Variants in DOP1B observed in about 807,000 individuals in gnomAD.
The protein encoded by DOP1B is protein DOP1B.
Under a neutral mutation model 233.5 loss-of-function variants are expected in DOP1B, and 174 were observed. The observed-to-expected ratio is 0.75, with a 90% CI of 0.66 to 0.85. The LOEUF (loss-of-function observed/expected upper bound fraction) is 0.85. Ranked by LOEUF, DOP1B falls within the 40% of genes least tolerant of loss-of-function variation. The pLI, the probability that DOP1B is intolerant of heterozygous loss-of-function variation, is 0.00. For synonymous variants in DOP1B, 1,190 were observed against 1,185.6 expected, an observed-to-expected ratio of 1.00 and a Z score of -0.08; for missense variants, 2,652 against 2,846.6, an observed-to-expected ratio of 0.93 and a Z score of 1.56.
intron 2 of DOP1B, among the ~76,000 whole-genome samples, chr21:36,183,650 C>T (rs1357171660): frequency 2.0e-5 from 3 of 152,252 alleles, no homozygotes; most frequent in African/African-American, 7.2e-5. Flanking sequence ...AGGCACCATT[C>T]CAACTACGGA....
intron 32 of DOP1B, among the ~76,000 whole-genome samples, chr21:36,285,058 T>C (rs112029618): frequency 0.03 from 4,631 of 152,078 alleles, 243 homozygotes; most frequent in African/African-American, 0.11. Context: ...AAGAGAAATT[T>C]TTTTGTTGTT....
chr21:36,256,687 A>C (rs1029991134), intron 23 of DOP1B, among the ~76,000 whole-genome samples: 1 of 152,182 alleles, frequency 6.6e-6, no homozygotes, highest in South Asian at 2.1e-4. Flanking sequence ...TCAGATCCTC[A>C]ACATGGATGA....
chr21:36,266,882 G>A (rs1427666517), intron 26 of DOP1B, among the ~76,000 whole-genome samples: 6 of 152,204 alleles, frequency 3.9e-5, no homozygotes, highest in Non-Finnish European at 1.5e-5. Context: ...TCCACTCAGT[G>A]CTTTCATCAG....
intron 24 of DOP1B, 43 bp downstream of exon 24, chr21:36,260,775 A>G: frequency 1.2e-6 from 2 of 1,611,856 alleles, no homozygotes; most frequent in Non-Finnish European, 1.7e-6. Context: ...TTAAATACAG[A>G]TGCTATTGCA....
Position 36,237,240 on chromosome 21 carries a change from G to T in DOP1B, c.2623-22G>T, listed in dbSNP as rs369883643. 1.4e-5 allele frequency: 22 copies of T among 1,613,928 alleles called. No individual in the cohort carries two copies. In the East Asian group the frequency reaches 3.6e-4, roughly 26 times the overall value. On this transcript the variant is annotated intron_variant, in intron 15 of 36. Transcript: ENST00000691173. ...GCCTGTGTTGACCTGGTCCCCCACC[G>T]CCTGCCTTTTCCTTGTCCCAGAGGG...
intron 2 of DOP1B, among the ~76,000 whole-genome samples, chr21:36,185,324 A>G (rs1235056788): frequency 6.6e-6 from 1 of 152,096 alleles, no homozygotes; most frequent in Non-Finnish European, 1.5e-5. Context: ...CCACATCCTT[A>G]CCTTCTTTTC....
intron 2 of DOP1B, chr21:36,169,446 G>C: frequency 1.9e-6 from 2 of 1,061,284 alleles, no homozygotes; most frequent in Non-Finnish European, 2.9e-6. Flanking sequence ...CACAGGCCTC[G>C]GTGGGTCTTG....
At chr21:36,284,467 C>T (rs59546066) in intron 32 of DOP1B, among the ~76,000 whole-genome samples, 62,636 of 151,138 alleles carry the variant, frequency 0.41, 13,057 homozygotes, top group Middle Eastern at 0.51. Flanking sequence ...GACAGGGTTT[C>T]ACCATGTTGG....
intron 21 of DOP1B, 137 bp from the exon 22 acceptor site, chr21:36,251,025 G>A: frequency 8.3e-7 from 1 of 1,208,550 alleles, no homozygotes; most frequent in Non-Finnish European, 1.1e-6. Flanking sequence ...ACCCATCAGG[G>A]AAGCACCTCA....
chr21:36,174,195 AC>A (rs1433267121), intron 2 of DOP1B, among the ~76,000 whole-genome samples: 2 of 152,060 alleles, frequency 1.3e-5, no homozygotes, highest in African/African-American at 4.8e-5. Context: ...TTACCTAAAA[AC>A]TTGGTGAGAG....
intron 12 of DOP1B, 49 bp from the exon 13 acceptor site, chr21:36,227,637 C>G (rs2066708597): frequency 7.1e-7 from 1 of 1,413,128 alleles, no homozygotes. Context: ...CATTGTTTTT[C>G]TGATTGTGAA....
chr21:36,176,500 GC>G (rs111602383), intron 2 of DOP1B, among the ~76,000 whole-genome samples: 2,025 of 152,212 alleles, frequency 0.013, 49 homozygotes, highest in African/African-American at 0.046. Context: ...TAAATTTGGG[GC>G]TATGATTTTA....
intron 27 of DOP1B, among the ~76,000 whole-genome samples, chr21:36,274,497 G>A (rs1313310729): frequency 6.6e-6 from 1 of 152,184 alleles, no homozygotes; most frequent in African/African-American, 2.4e-5. Context: ...TGATGGAAAA[G>A]AGAAGGACCC....
chr21:36,227,550 A>C, intron 12 of DOP1B, 136 bp from the exon 13 acceptor site: 1 of 846,430 alleles, frequency 1.2e-6, no homozygotes, highest in Non-Finnish European at 1.7e-6. Flanking sequence ...CTGTCAAAAA[A>C]AAAGAAAGAA....
intron 2 of DOP1B, among the ~76,000 whole-genome samples, chr21:36,177,355 G>C (rs2066043387): frequency 1.3e-5 from 2 of 152,226 alleles, no homozygotes; most frequent in African/African-American, 4.8e-5. Context: ...GCTGAAAAGA[G>C]TCTGATATGC....
At chr21:36,176,469 C>G (rs996337990) in intron 2 of DOP1B, among the ~76,000 whole-genome samples, 2 of 152,222 alleles carry the variant, frequency 1.3e-5, no homozygotes, top group Admixed American at 1.3e-4. Context: ...TGTAGGGCAT[C>G]CTCTGTTAGA....
At chr21:36,276,644 C>A (rs529541142) in intron 27 of DOP1B, among the ~76,000 whole-genome samples, 2 of 152,144 alleles carry the variant, frequency 1.3e-5, no homozygotes, top group South Asian at 4.2e-4. Context: ...AGTTCGAGAC[C>A]AGCCTGGCCA....
At chr21:36,214,877 T>TA (rs1487630353) in intron 9 of DOP1B, among the ~76,000 whole-genome samples, 1 of 151,956 alleles carries the variant, frequency 6.6e-6, no homozygotes, top group Non-Finnish European at 1.5e-5. Context: ...CCCATCTCTA[T>TA]AAAAAAATAC....
chr21:36,225,934 T>C (rs1339718748), intron 12 of DOP1B, among the ~76,000 whole-genome samples: 1 of 152,228 alleles, frequency 6.6e-6, no homozygotes, highest in Non-Finnish European at 1.5e-5. Flanking sequence ...CTGGGTATCA[T>C]TCCCGTACTA....
Sources: gnomAD v4.1 joint callset for allele counts (sites outside exome capture counted in the v4.1 genomes callset) on GRCh38, gnomAD v4.1.1 for gene constraint, MANE v1.5 for transcripts, NCBI Gene and HGNC (gene_info 2026-07-23, HGNC 2026-07-21) for gene names.